PRRC2A: variants seen among roughly 807,000 people sequenced by gnomAD.
The protein encoded by PRRC2A is protein PRRC2A.
Under a neutral mutation model 224.6 loss-of-function variants are expected in PRRC2A, and 59 were observed. That is an observed-to-expected ratio of 0.26 (90% confidence interval 0.21 to 0.33). PRRC2A has a LOEUF of 0.33. Among genes scored for constraint, PRRC2A ranks in the 10% least tolerant of loss-of-function variants. PRRC2A has a pLI of 1.00. For synonymous variants in PRRC2A, 1,194 were observed against 1,109.5 expected (o/e 1.08, Z -1.51); for missense variants, 3,095 against 2,880.7 (o/e 1.07, Z -1.70).
chr6:31,637,571 GC>G lies in PRRC2A; in HGVS notation c.6464del (p.Pro2155HisfsTer58). The stretch of plus-strand genomic sequence containing the variant: ...CCCGAGGGGACAAGGAGCCTGGGTT[GC>G]CCCCACCCCGCTGAGGGAGTTCCTC... Reference protein sequence around the residue: ...GSRGDKEPGLPPPR With the variant: ...GSRGDKEPGLXPPR On this transcript the variant is annotated frameshift_variant, in exon 31 of 31. Coordinates refer to ENST00000376033, the MANE Select transcript of PRRC2A (RefSeq NM_004638.4). LOFTEE classifies it high-confidence loss of function. The G allele has an allele frequency of 7.0e-7, 1 of 1,421,480 alleles. No homozygotes were observed. Among genetic ancestry groups the G allele is most frequent in the Non-Finnish European group, 9.4e-7 (1 of 1,064,790 alleles). 88.1% of individuals were successfully genotyped at this position (1,421,480 alleles called of 1,614,324 possible).
At position 31,623,843 on chromosome 6, in the gene PRRC2A, A is replaced by G. The variant is rs780065598; in HGVS notation, c.224A>G (p.Asn75Ser). 1.5e-5 allele frequency: 24 copies of G among 1,614,056 alleles called. No homozygotes were observed. The highest frequency in any genetic ancestry group is 3.3e-5 in the Admixed American group (2 of 60,008). ...GCCGAGAACAAAGGCAATGACCCCA[A>G]TGTCTCACTAGTGCCAAAAGACGGA... ...LKAENKGNDP[N>S]VSLVPKDGTG... The change falls in exon 3 of 31, where the codon AAT becomes AGT. Residue 75 changes from asparagine to serine, a missense_variant. Asn to Ser is a conservative substitution (Grantham distance 46, BLOSUM62 1). Coordinates refer to ENST00000376033, the MANE Select transcript of PRRC2A (RefSeq NM_004638.4).
Position 31,637,310 on chromosome 6 carries a change from G to C in PRRC2A, c.6319G>C (p.Asp2107His), listed in dbSNP as rs765440405. The C allele has an allele frequency of 1.9e-5, 31 of 1,611,834 alleles. No individual in the cohort carries two copies. The highest frequency in any genetic ancestry group is 2.6e-5 in the Non-Finnish European group (31 of 1,178,946). The change falls in exon 30 of 31, where the codon GAC (aspartate) becomes CAC (histidine). Residue 2107 changes from aspartate to histidine, a missense_variant. Physicochemically the swap from Asp to His is moderately conservative, Grantham distance 81. This residue lies in a region of PRRC2A where 662 missense variants were observed against 609.5 expected (regional missense o/e 1.09). Transcript: ENST00000376033. ...YSGVFRTQRV[D>H]LYQQASPPDA... is the part of the protein sequence containing the mutation. ...TGGAGTCTTCCGCACCCAGCGCGTC[G>C]ACCTTTACCAGCAGGTGAAGGAGAA...
At chr6:31,633,234 A>G (rs1336568509) in intron 16 of PRRC2A, 145 bp from the exon 17 acceptor site, 1 of 1,226,020 alleles carries the variant, frequency 8.2e-7, no homozygotes, top group East Asian at 2.3e-5. Context: ...GTGCATCTGT[A>G]TGCATAGGAA....
rs998487604 is a variant in PRRC2A at position 31,633,490 on chromosome 6, A to G, written c.4431A>G (p.Gln1477=). Residue 1477 remains glutamine (Q), a synonymous_variant, in exon 17 of 31, where the codon CAA becomes CAG. Coordinates refer to ENST00000376033, the MANE Select transcript of PRRC2A (RefSeq NM_004638.4). Reference sequence around the variant, plus strand: ...TCCACAGCAACCCTGCTGGCATCCAACAGGCTCTGGCCCAGCTTAGTAGCC... The same window carrying G: ...TCCACAGCAACCCTGCTGGCATCCAGCAGGCTCTGGCCCAGCTTAGTAGCC... ...QVIHSNPAGI[Q]QALAQLSSRQ... 1.1e-5 allele frequency: 18 copies of G among 1,613,062 alleles called. No homozygotes were observed. Among genetic ancestry groups the G allele is most frequent in the Non-Finnish European group, 1.4e-5 (17 of 1,180,022 alleles).
rs747423906 is a variant in PRRC2A at position 31,632,198 on chromosome 6, G to A, written c.3525G>A (p.Gly1175=). 21 of 1,606,192 alleles carry A rather than the reference G, an allele frequency of 1.3e-5. No homozygotes were observed. The Admixed American group carries it at 2.9e-4, about 22-fold the overall frequency. The change falls in exon 16 of 31, where the codon GGG becomes GGA. Residue 1175 remains glycine, a synonymous_variant. Coordinates refer to ENST00000376033, the MANE Select transcript of PRRC2A (RefSeq NM_004638.4). ...GVPSRRGRGG[G]RPPPQVCPGW... is the part of the protein sequence containing the mutation. ...CATCTCGCCGGGGCCGAGGAGGAGGGAGGCCCCCTCCTCAAGTTTGCCCAG... is the reference window on the plus strand; with the variant it reads ...CATCTCGCCGGGGCCGAGGAGGAGGAAGGCCCCCTCCTCAAGTTTGCCCAG...
chr6:31,635,987 C>T lies in PRRC2A; in HGVS notation c.5562C>T (p.Asp1854=), dbSNP rs1457409627. The change falls in exon 25 of 31, where the codon GAC becomes GAT. Residue 1854 remains aspartate, a synonymous_variant. Coordinates refer to ENST00000376033, the MANE Select transcript of PRRC2A (RefSeq NM_004638.4). ...SSSQISGGAM[D]SQLHPNSGGF... The stretch of plus-strand genomic sequence containing the variant: ...TGCAGATCTCTGGGGGAGCCATGGA[C>T]TCTCAATTACATCCAAACAGTGGAG... 1.2e-6 allele frequency: 2 copies of T among 1,613,102 alleles called. No individual in the cohort carries two copies. The highest frequency in any genetic ancestry group is 2.2e-5 in the East Asian group (1 of 44,876).
chr6:31,630,095 TC>T (rs1289344525), intron 14 of PRRC2A, among the ~76,000 whole-genome samples: 3 of 152,136 alleles, frequency 2.0e-5, no homozygotes, highest in Admixed American at 6.6e-5. Context: ...GGTGGGCAGA[TC>T]AACTGAGTTC....
In PRRC2A at chr6:31,623,778, C is replaced by A; in HGVS notation, c.159C>A (p.Ala53=). The A allele has an allele frequency of 6.2e-7, 1 of 1,614,184 alleles. No individual in the cohort carries two copies. The highest frequency in any genetic ancestry group is 8.5e-7 in the Non-Finnish European group (1 of 1,180,040). The change falls in exon 3 of 31, where the codon GCC becomes GCA. Residue 53 remains alanine (A), a synonymous_variant. Coordinates refer to ENST00000376033, the MANE Select transcript of PRRC2A (RefSeq NM_004638.4). ...GLQSLGKVAI[A]RRMPPPANLP... ...AGAGTCTCGGGAAAGTTGCCATTGC[C>A]CGGCGTATGCCACCTCCAGCCAACC... is the stretch of plus-strand genomic sequence containing the variant.
intron 5 of PRRC2A, 86 bp downstream of exon 5, chr6:31,624,608 G>C (rs1775685664): frequency 4.2e-6 from 6 of 1,429,610 alleles, no homozygotes; most frequent in Middle Eastern, 2.3e-4. Context: ...AAGTGACCTT[G>C]GTCCTCTTTG....
chr6:31,636,928 A>AAGC lies in PRRC2A; in HGVS notation c.6130_6131insAGC (p.Ser2044delinsLysArg). The AAGC allele has an allele frequency of 1.2e-6, 2 of 1,612,856 alleles. No individual in the cohort carries two copies. Among genetic ancestry groups the AAGC allele is most frequent in the South Asian group, 2.2e-5 (2 of 91,072 alleles). ...TTCACCTGCCAGGCCCTTCCCCGCT[A>AAGC]GCTTGGGGCGAGCAGAGGTAAGGTA... On this transcript the variant is annotated protein_altering_variant, in exon 28 of 31. Coordinates refer to ENST00000376033, the MANE Select transcript of PRRC2A (RefSeq NM_004638.4). This position sits in a 1 kb window ranked among gnomAD's most constrained non-coding sequence, Gnocchi z 4.3.
In PRRC2A at chr6:31,620,721, G is replaced by T. The variant is rs1025838468; in HGVS notation, c.-238G>T. 1 of 152,218 alleles carries T rather than the reference G, an allele frequency of 6.6e-6. No individual in the cohort carries two copies. Among genetic ancestry groups the T allele is most frequent in the Non-Finnish European group, 1.5e-5 (1 of 68,038 alleles). The allele number at this position is 152,218 out of a possible 1,614,324, so 9.4% of individuals were successfully genotyped here. ...GTTGCCCGGATGGGCCGTTAGTCGG[G>T]GCTCAGCCGCGGAGTGAGCGAGGGA... On this transcript the variant is annotated 5_prime_UTR_variant, in exon 1 of 31. Transcript: ENST00000376033.
In PRRC2A at chr6:31,632,988, C is replaced by A; in HGVS notation, c.4315C>A (p.Arg1439=). The stretch of plus-strand genomic sequence containing the variant: ...GAGGAGCTGGCCCTCTCCCAAGAAC[C>A]GAAGGTGGGTAGGAACAAACAAATT... ...DKRSWPSPKN[R]SRPPEERPPG... is the part of the protein sequence containing the mutation. The change falls in exon 16 of 31, where the codon CGA becomes AGA. Residue 1439 remains arginine, a synonymous_variant. Transcript: ENST00000376033. 1 of 1,561,346 alleles carries A rather than the reference C, an allele frequency of 6.4e-7. No individual in the cohort carries two copies. Among genetic ancestry groups the A allele is most frequent in the South Asian group, 1.2e-5 (1 of 86,172 alleles).
intron 2 of PRRC2A, 164 bp downstream of exon 2, chr6:31,623,065 G>A (rs1775475978): frequency 1.3e-6 from 1 of 769,428 alleles, no homozygotes; most frequent in Non-Finnish European, 2.4e-6. Flanking sequence ...TGGGCTCTGG[G>A]TGAACACCAG....
At chr6:31,630,514 G>A (rs887364383) in intron 14 of PRRC2A, 77 bp from the exon 15 acceptor site, 53 of 1,486,318 alleles carry the variant, frequency 3.6e-5, no homozygotes, top group Non-Finnish European at 4.5e-5. Flanking sequence ...TGACTTGACC[G>A]CGAGGGGAGA....
chr6:31,623,226 C>T (rs772886744), intron 2 of PRRC2A: 1 of 596,244 alleles, frequency 1.7e-6, no homozygotes, highest in South Asian at 1.5e-5. Flanking sequence ...TTGAATGTTA[C>T]ATATCTCAGC....
chr6:31,624,783 G>T, intron 5 of PRRC2A: 1 of 575,670 alleles, frequency 1.7e-6, no homozygotes, highest in Non-Finnish European at 3.1e-6. Context: ...TGATGGTCTG[G>T]TACCTGTCAG....
intron 24 of PRRC2A, 75 bp from the exon 25 acceptor site, chr6:31,635,892 T>C (rs1777279930): frequency 4.1e-6 from 6 of 1,471,840 alleles, no homozygotes; most frequent in Admixed American, 4.4e-5. Context: ...ACTTTTTGCT[T>C]CTATGGGTGG....
chr6:31,627,661 GTCGTTGCA>G lies in PRRC2A; in HGVS notation c.1291-101_1291-94del. 7.1e-7 allele frequency: 1 copy of G among 1,413,984 alleles called. No individual in the cohort carries two copies. The highest frequency in any genetic ancestry group is 1.4e-5 in the South Asian group (1 of 72,980). 87.6% of individuals were successfully genotyped at this position (1,413,984 alleles called of 1,614,324 possible). ...CAGAGAGATCAACCCCAAAGCCTGG[GTCGTTGCA>G]TCCTGCAAGTAGCGACAGTTGATTT... is the stretch of plus-strand genomic sequence containing the variant. On this transcript the variant is annotated intron_variant, in intron 11 of 30. Transcript: ENST00000376033. This position sits in a 1 kb window ranked among gnomAD's most constrained non-coding sequence, Gnocchi z 5.6.
In PRRC2A at chr6:31,637,525, G is replaced by A. The variant is rs1018669734; in HGVS notation, c.6413G>A (p.Arg2138Gln). ...CCGCCACCTCGAGAAGGGCCCTCCC[G>A]ACGGGCAGAGGAGCCTGGGTCCCGA... ...TGPPPREGPS[R>Q]RAEEPGSRGD... The change falls in exon 31 of 31, where the codon CGA (arginine) becomes CAA (glutamine). Residue 2138 changes from arginine (R) to glutamine (Q), a missense_variant. Coordinates refer to ENST00000376033, the MANE Select transcript of PRRC2A (RefSeq NM_004638.4). The A allele has an allele frequency of 1.8e-5, 28 of 1,587,054 alleles. No individual in the cohort carries two copies. Among genetic ancestry groups the A allele is most frequent in the African/African-American group, 2.7e-5 (2 of 73,708 alleles).
Sources: gnomAD v4.1 joint callset for allele counts (sites outside exome capture counted in the v4.1 genomes callset) on GRCh38, gnomAD v4.1.1 for gene constraint, gnomAD v4.1.1 regional missense constraint, Gnocchi (gnomAD v3.1) non-coding constraint, MANE v1.5 for transcripts, NCBI Gene and HGNC (gene_info 2026-07-23, HGNC 2026-07-21) for gene names.